PLXNC1: variants seen among roughly 807,000 people sequenced by gnomAD.
PLXNC1 encodes plexin C1.
Under a neutral mutation model 178.2 loss-of-function variants are expected in PLXNC1, and 75 were observed. That is an observed-to-expected ratio of 0.42 (90% confidence interval 0.35 to 0.51). The LOEUF is 0.51. PLXNC1 is among the 20% of genes least tolerant of loss of function. PLXNC1 has a pLI of 0.02. For synonymous variants in PLXNC1, 790 were observed against 779.9 expected, an observed-to-expected ratio of 1.01 and a Z score of -0.22; for missense variants, 1,503 against 1,984.4, an observed-to-expected ratio of 0.76 and a Z score of 4.61.
At chr12:94,290,870 GT>G (rs1201043528) in intron 23 of PLXNC1, among the ~76,000 whole-genome samples, 3 of 152,334 alleles carry the variant, frequency 2.0e-5, no homozygotes, top group East Asian at 3.9e-4. Flanking sequence ...AAGTGACAGG[GT>G]CAGTCCTCCA....
intron 12 of PLXNC1, among the ~76,000 whole-genome samples, chr12:94,247,427 A>G (rs570806430): frequency 2.0e-5 from 3 of 152,248 alleles, no homozygotes; most frequent in Non-Finnish European, 1.5e-5. Flanking sequence ...AGGGTGATTC[A>G]GCTGCAACAA....
At chr12:94,226,770 T>C in intron 8 of PLXNC1, 63 bp downstream of exon 8, 3 of 1,200,484 alleles carry the variant, frequency 2.5e-6, no homozygotes, top group South Asian at 1.2e-5. Context: ...ACGCCTGCAA[T>C]CCCAGCATTT....
At chr12:94,270,602 C>G (rs939712698) in intron 21 of PLXNC1, among the ~76,000 whole-genome samples, 13 of 151,556 alleles carry the variant, frequency 8.6e-5, no homozygotes, top group African/African-American at 3.2e-4. Flanking sequence ...CCACCCCCAA[C>G]CCTGCACCCG....
intron 8 of PLXNC1, among the ~76,000 whole-genome samples, 178 bp from the exon 9 acceptor site, chr12:94,226,971 C>T (rs1038049716): frequency 2.0e-5 from 3 of 149,130 alleles, no homozygotes; most frequent in East Asian, 1.9e-4. Context: ...TGCAGTGAGC[C>T]GAGATCGCGC....
At chr12:94,281,350 G>A (rs1470272741) in intron 22 of PLXNC1, among the ~76,000 whole-genome samples, 1 of 152,142 alleles carries the variant, frequency 6.6e-6, no homozygotes, top group African/African-American at 2.4e-5. Context: ...AGCTCTTACA[G>A]CAGAGACTCA....
intron 21 of PLXNC1, among the ~76,000 whole-genome samples, chr12:94,273,039 T>C (rs1046554636): frequency 6.6e-6 from 1 of 152,224 alleles, no homozygotes; most frequent in Non-Finnish European, 1.5e-5. Flanking sequence ...ACCGGCTCCA[T>C]GATTTTGGAC....
rs1962718213 is a variant in PLXNC1, at chr12:94,191,359, T to C, written c.1439+4886T>C. Among the ~76,000 whole-genome samples the C allele has an allele frequency of 2.0e-5, 3 of 152,372 alleles. No individual in the cohort carries two copies. The South Asian group carries it at 6.2e-4, about 32-fold the overall frequency. ...CCCACTGTGTTTATTTTAAATGTCA[T>C]GGATTTATTTAGAAAAATAATTTAT... On this transcript the variant is annotated intron_variant, in intron 4 of 30. Coordinates refer to ENST00000258526, the MANE Select transcript of PLXNC1 (RefSeq NM_005761.3).
chr12:94,253,825 C>T (rs1964767657), intron 15 of PLXNC1, among the ~76,000 whole-genome samples: 1 of 152,058 alleles, frequency 6.6e-6, no homozygotes, highest in South Asian at 2.1e-4. Flanking sequence ...AGGCATGCAC[C>T]ATCGCACCCA....
chr12:94,264,500 T>C (rs1965125239), intron 20 of PLXNC1, among the ~76,000 whole-genome samples: 1 of 151,230 alleles, frequency 6.6e-6, no homozygotes, highest in Admixed American at 6.6e-5. Context: ...GTCTGGGAAC[T>C]GCCCGGGCCG....
chr12:94,276,613 C>A lies in PLXNC1; in HGVS notation c.3598-2859C>A, dbSNP rs1325528520. Among the ~76,000 whole-genome samples the A allele has an allele frequency of 3.3e-5, 5 of 152,312 alleles. No homozygotes were observed. In the South Asian group the frequency reaches 1.0e-3, roughly 32 times the overall value. ...GCTGTTCCTGGAGCAAGTTACTCAG[C>A]CCCTCTGTGCCTCAGTTCCCTCACT... On this transcript the variant is annotated intron_variant, in intron 21 of 30. Coordinates refer to ENST00000258526, the MANE Select transcript of PLXNC1 (RefSeq NM_005761.3).
chr12:94,216,299 A>C (rs1356348144), intron 5 of PLXNC1, among the ~76,000 whole-genome samples: 1 of 151,588 alleles, frequency 6.6e-6, no homozygotes, highest in Non-Finnish European at 1.5e-5. Flanking sequence ...TAAAGCACAC[A>C]CTTCAGGAAA....
rs1964968381 is a variant in PLXNC1 at position 94,260,622 on chromosome 12, C to T, written c.3252-20C>T. The T allele has an allele frequency of 6.3e-7, 1 of 1,599,142 alleles. No homozygotes were observed. The highest frequency in any genetic ancestry group is 8.6e-7 in the Non-Finnish European group (1 of 1,168,546). ...GCTAGGCCTGCAGCCAATGGTTCAC[C>T]CAGCTCTCTTTTTCAACAGGTGTCT... On this transcript the variant is annotated intron_variant, in intron 19 of 30. Transcript: ENST00000258526. This position sits in a 1 kb window ranked among gnomAD's most constrained non-coding sequence, Gnocchi z 4.4.
At chr12:94,273,529 C>T (rs148502685) in intron 21 of PLXNC1, among the ~76,000 whole-genome samples, 2 of 152,146 alleles carry the variant, frequency 1.3e-5, no homozygotes, top group African/African-American at 4.8e-5. Flanking sequence ...TCCTTGATTT[C>T]TCTGTTTGAA....
At chr12:94,192,234 C>T (rs949996818) in intron 4 of PLXNC1, among the ~76,000 whole-genome samples, 5 of 152,174 alleles carry the variant, frequency 3.3e-5, no homozygotes, top group African/African-American at 1.2e-4. Context: ...TGAGAGAAAT[C>T]GGATGCCATT....
intron 7 of PLXNC1, 116 bp from the exon 8 acceptor site, chr12:94,226,489 T>C (rs1247288556): frequency 1.1e-5 from 1 of 93,420 alleles, no homozygotes; most frequent in Admixed American, 1.7e-4. Context: ...TGTCCAGGGA[T>C]TTTTTTTTTT....
At position 94,240,558 on chromosome 12, in the gene PLXNC1, G is replaced by A. The variant is rs1565825408; in HGVS notation, c.2194G>A (p.Asp732Asn). 8 of 1,613,886 alleles carry A rather than the reference G, an allele frequency of 5.0e-6. No individual in the cohort carries two copies. The highest frequency in any genetic ancestry group is 5.9e-6 in the Non-Finnish European group (7 of 1,179,734). The change falls in exon 11 of 31, where the codon GAT becomes AAT. Residue 732 changes from aspartate to asparagine, a missense_variant. Coordinates refer to ENST00000258526, the MANE Select transcript of PLXNC1 (RefSeq NM_005761.3). ...SLPSSRKEMK[D>N]VCIQFDGGNC... ...TCCATCAAGCCGGAAAGAAATGAAG[G>A]ATGTGTGTATCCAGTTTGATGGTGG...
At chr12:94,290,144 T>C (rs1171974341) in intron 23 of PLXNC1, among the ~76,000 whole-genome samples, 1 of 152,210 alleles carries the variant, frequency 6.6e-6, no homozygotes, top group African/African-American at 2.4e-5. Flanking sequence ...ATGGGAGACA[T>C]TTGGGATTCA....
intron 4 of PLXNC1, among the ~76,000 whole-genome samples, chr12:94,189,663 A>G (rs906110808): frequency 1.6e-4 from 21 of 134,848 alleles, no homozygotes; most frequent in African/African-American, 5.5e-4. Context: ...TTGGATGACA[A>G]AGTGAGACCC....
At chr12:94,191,562 T>A (rs995789113) in intron 4 of PLXNC1, among the ~76,000 whole-genome samples, 3 of 152,106 alleles carry the variant, frequency 2.0e-5, no homozygotes, top group Non-Finnish European at 4.4e-5. Context: ...GGTAGGTGGA[T>A]CACCTGAGAT....
Sources: allele counts gnomAD v4.1 joint callset (sites outside exome capture counted in the v4.1 genomes callset), GRCh38; gene constraint gnomAD v4.1.1; non-coding constraint Gnocchi (gnomAD v3.1); transcripts MANE v1.5; gene names NCBI Gene and HGNC (gene_info 2026-07-23, HGNC 2026-07-21).